PTPRT: variants seen among roughly 807,000 people sequenced by gnomAD.
PTPRT encodes the protein protein tyrosine phosphatase receptor type T, also known as receptor-type tyrosine-protein phosphatase T.
Under a neutral mutation model 176.8 loss-of-function variants are expected in PTPRT, and 56 were observed. The observed-to-expected ratio is 0.32, with a 90% CI of 0.26 to 0.40. The LOEUF (loss-of-function observed/expected upper bound fraction) is 0.40, where lower values mean the gene tolerates loss of function less well. PTPRT is among the 10% of genes least tolerant of loss of function. The pLI is 1.00. For synonymous variants in PTPRT, 783 were observed against 739.0 expected, an observed-to-expected ratio of 1.06 and a Z score of -0.96; for missense variants, 1,540 against 1,908.2, an observed-to-expected ratio of 0.81 and a Z score of 3.60.
chr20:42,271,363 T>C (rs1036113751), intron 13 of PTPRT, among the ~76,000 whole-genome samples: 8 of 152,208 alleles, frequency 5.3e-5, no homozygotes, highest in African/African-American at 1.9e-4. Flanking sequence ...GTTTATAACC[T>C]GTTACCTCTA....
chr20:42,949,440 C>G (rs907328028), intron 1 of PTPRT, among the ~76,000 whole-genome samples: 1 of 152,216 alleles, frequency 6.6e-6, no homozygotes, highest in Non-Finnish European at 1.5e-5. Flanking sequence ...TACCCTCCAG[C>G]TATTCCAGTT....
At chr20:42,718,323 G>A (rs1420341765) in intron 6 of PTPRT, among the ~76,000 whole-genome samples, 2 of 152,164 alleles carry the variant, frequency 1.3e-5, no homozygotes, top group African/African-American at 4.8e-5. Context: ...GGATCACGAG[G>A]TCAGGGGATC....
intron 2 of PTPRT, among the ~76,000 whole-genome samples, chr20:42,792,143 C>T (rs2077385471): frequency 1.3e-5 from 2 of 152,168 alleles, no homozygotes; most frequent in East Asian, 1.9e-4. Context: ...ATGGAGGACA[C>T]CTGACTTGAA....
chr20:42,602,619 A>G (rs1316164231), intron 7 of PTPRT, among the ~76,000 whole-genome samples: 1 of 152,144 alleles, frequency 6.6e-6, no homozygotes, highest in Non-Finnish European at 1.5e-5. Flanking sequence ...GGCAAAGCCA[A>G]GCTTGGAACC....
At chr20:42,994,324 A>T (rs987840423) in intron 1 of PTPRT, among the ~76,000 whole-genome samples, 1 of 152,198 alleles carries the variant, frequency 6.6e-6, no homozygotes, top group Non-Finnish European at 1.5e-5. Flanking sequence ...CCAAATGTCA[A>T]TATGACAAGT....
At chr20:42,187,626 C>T (rs1048862052) in intron 16 of PTPRT, among the ~76,000 whole-genome samples, 1 of 152,156 alleles carries the variant, frequency 6.6e-6, no homozygotes, top group Admixed American at 6.5e-5. Flanking sequence ...TAAACCAGAC[C>T]TCAGGTTCTT....
chr20:42,199,532 A>C, intron 15 of PTPRT, 144 bp from the exon 16 acceptor site: 1 of 918,902 alleles, frequency 1.1e-6, no homozygotes, highest in Non-Finnish European at 1.6e-6. Flanking sequence ...GGCAGAACAA[A>C]CCATGAATGG....
At chr20:42,350,214 G>GTTTTTTTTTTTTTTTTT in intron 11 of PTPRT, among the ~76,000 whole-genome samples, 1 of 58,290 alleles carries the variant, frequency 1.7e-5, no homozygotes, top group Non-Finnish European at 3.3e-5. Flanking sequence ...GATGTTTCTT[G>GTTTTTTTTTTTTTTTTT]TTTTTTTTTT....
chr20:42,577,971 A>G (rs904828754), intron 7 of PTPRT, among the ~76,000 whole-genome samples: 39 of 119,042 alleles, frequency 3.3e-4, no homozygotes, highest in Admixed American at 6.7e-4. Context: ...GTGTGTGTGT[A>G]GGCATACCCA....
the PTPRT span, among the ~76,000 whole-genome samples, chr20:42,038,605 C>A: frequency 6.6e-6 from 1 of 152,144 alleles, no homozygotes; most frequent in Non-Finnish European, 1.5e-5. Context: ...GGTTCTATAA[C>A]TTTGTAGTTG....
chr20:42,926,665 C>T (rs1979501879), intron 1 of PTPRT, among the ~76,000 whole-genome samples: 1 of 152,140 alleles, frequency 6.6e-6, no homozygotes. Context: ...GGTTAAAATC[C>T]CAGCCTCTGC....
chr20:43,112,728 A>T lies in PTPRT; in HGVS notation c.88+76918T>A, dbSNP rs138260899. 3.6e-3 allele frequency among the ~76,000 whole-genome samples: 545 copies of T among 152,330 alleles called. 3 individuals are homozygous for T. Among genetic ancestry groups the T allele is most frequent in the Non-Finnish European group, 6.2e-3 (421 of 68,030 alleles). ...TCGAAACTCAAAAGTTGAACAAGGA[A>T]ATTCAAGCACGATTTTTATTAACCC... is the stretch of plus-strand genomic sequence containing the variant. On this transcript the variant is annotated intron_variant, in intron 1 of 30. Transcript: ENST00000373187.
chr20:43,114,009 C>T (rs1356361432), intron 1 of PTPRT, among the ~76,000 whole-genome samples: 1 of 152,106 alleles, frequency 6.6e-6, no homozygotes, highest in East Asian at 1.9e-4. Flanking sequence ...AATGTAAAGG[C>T]CTATGTACAT....
intron 27 of PTPRT, among the ~76,000 whole-genome samples, chr20:42,090,195 C>T (rs1984457054): frequency 6.6e-6 from 1 of 151,884 alleles, no homozygotes; most frequent in African/African-American, 2.4e-5. Context: ...GATTATTAGG[C>T]AGTATGGGGG....
chr20:42,405,654 T>C (rs1373829272), intron 9 of PTPRT, among the ~76,000 whole-genome samples: 2 of 152,174 alleles, frequency 1.3e-5, no homozygotes, highest in East Asian at 3.9e-4. Flanking sequence ...AATAAACATA[T>C]GTGTGCATGT....
At chr20:42,343,396 C>T (rs772064492) in intron 11 of PTPRT, among the ~76,000 whole-genome samples, 5 of 152,174 alleles carry the variant, frequency 3.3e-5, no homozygotes, top group African/African-American at 4.8e-5. Flanking sequence ...ACCCCAACAC[C>T]CTGCCCCTTG....
intron 2 of PTPRT, among the ~76,000 whole-genome samples, chr20:42,830,417 T>C (rs950269784): frequency 2.6e-5 from 4 of 152,200 alleles, no homozygotes; most frequent in African/African-American, 9.7e-5. Context: ...TTAAAAACTT[T>C]CAATACACTA....
At chr20:42,321,114 GC>G (rs2057793504) in intron 11 of PTPRT, among the ~76,000 whole-genome samples, 1 of 152,128 alleles carries the variant, frequency 6.6e-6, no homozygotes, top group South Asian at 2.1e-4. Flanking sequence ...TTTGTTTCCA[GC>G]ACTCCTCATC....
At chr20:42,038,126 G>C in the PTPRT span, among the ~76,000 whole-genome samples, 1 of 152,092 alleles carries the variant, frequency 6.6e-6, no homozygotes, top group Non-Finnish European at 1.5e-5. Flanking sequence ...TATTCCACTT[G>C]ACATTCAAGG....
Sources: gnomAD v4.1 joint callset for allele counts (sites outside exome capture counted in the v4.1 genomes callset) on GRCh38, gnomAD v4.1.1 for gene constraint, MANE v1.5 for transcripts, NCBI Gene and HGNC (gene_info 2026-07-23, HGNC 2026-07-21) for gene names.